The following BANK1 variants were observed in gnomAD, a reference collection of about 807,000 sequenced individuals.
BANK1 encodes the protein B cell scaffold protein with ankyrin repeats 1.
Under a neutral mutation model 94.5 loss-of-function variants are expected in BANK1, and 95 were observed. The observed-to-expected ratio is 1.00, with a 90% CI of 0.85 to 1.19. The LOEUF (loss-of-function observed/expected upper bound fraction) is 1.19. Among genes scored for constraint, BANK1 ranks in the 50% most tolerant of loss-of-function variants. BANK1 has a pLI of 0.00. For missense variants in BANK1, 987 were observed against 932.2 expected (o/e 1.06, Z -0.77); for synonymous variants, 334 against 308.4 (o/e 1.08, Z -0.87).
intron 6 of BANK1, among the ~76,000 whole-genome samples, chr4:101,917,754 T>G (rs1461656787): frequency 6.6e-6 from 1 of 151,858 alleles, no homozygotes; most frequent in Non-Finnish European, 1.5e-5. Flanking sequence ...TAAATTAAAC[T>G]TACCTCACAA....
intron 5 of BANK1, among the ~76,000 whole-genome samples, chr4:101,892,516 T>C (rs1196953611): frequency 6.7e-6 from 1 of 148,220 alleles, no homozygotes. Context: ...GATGCATGTA[T>C]GCATGTATAT....
At chr4:101,979,449 C>T (rs1431352389) in intron 7 of BANK1, among the ~76,000 whole-genome samples, 1 of 151,846 alleles carries the variant, frequency 6.6e-6, no homozygotes, top group Non-Finnish European at 1.5e-5. Flanking sequence ...GCAAATGACT[C>T]ACAATACTAT....
intron 11 of BANK1, among the ~76,000 whole-genome samples, chr4:102,054,136 A>C (rs1728146448): frequency 6.6e-6 from 1 of 151,812 alleles, no homozygotes; most frequent in Admixed American, 6.6e-5. Context: ...AAAACCTCAA[A>C]GATATCTTAT....
chr4:101,824,634 T>G (rs891298693), intron 1 of BANK1, among the ~76,000 whole-genome samples: 2 of 152,200 alleles, frequency 1.3e-5, no homozygotes, highest in African/African-American at 2.4e-5. Flanking sequence ...ATGTTCTTGT[T>G]GTTATTGCTG....
At chr4:101,811,847 G>C (rs967089205) in intron 1 of BANK1, among the ~76,000 whole-genome samples, 5 of 151,932 alleles carry the variant, frequency 3.3e-5, no homozygotes, top group African/African-American at 9.7e-5. Context: ...TGAGATATTA[G>C]AATAAACTAC....
chr4:101,945,774 G>A (rs1354861104), intron 7 of BANK1, among the ~76,000 whole-genome samples: 1 of 151,872 alleles, frequency 6.6e-6, no homozygotes, highest in Non-Finnish European at 1.5e-5. Flanking sequence ...ATGAAAATTC[G>A]AAAGCTGAGT....
intron 7 of BANK1, among the ~76,000 whole-genome samples, chr4:101,945,268 A>C (rs568769746): frequency 6.6e-6 from 1 of 151,974 alleles, no homozygotes; most frequent in Non-Finnish European, 1.5e-5. Context: ...TAGGAAGGCC[A>C]TATCTGTTAC....
intron 1 of BANK1, among the ~76,000 whole-genome samples, chr4:101,809,397 T>C (rs1335304306): frequency 1.3e-5 from 2 of 152,122 alleles, no homozygotes; most frequent in Admixed American, 6.6e-5. Context: ...AGGTACAGTG[T>C]ACACTGCTTA....
intron 7 of BANK1, among the ~76,000 whole-genome samples, chr4:101,970,271 T>C (rs1724910242): frequency 6.6e-6 from 1 of 152,142 alleles, no homozygotes; most frequent in Admixed American, 6.6e-5. Flanking sequence ...GATATTGTTA[T>C]AGTTAAGCAA....
chr4:102,012,345 A>G (rs1726537371), intron 7 of BANK1, among the ~76,000 whole-genome samples: 1 of 151,944 alleles, frequency 6.6e-6, no homozygotes, highest in Admixed American at 6.6e-5. Flanking sequence ...TGAATTTACA[A>G]TTCACATTTT....
At chr4:102,044,587 G>A (rs1404639873) in intron 11 of BANK1, among the ~76,000 whole-genome samples, 4 of 125,860 alleles carry the variant, frequency 3.2e-5, no homozygotes, top group South Asian at 3.0e-4. Context: ...TCCAGTTCTA[G>A]ATCCCTGAGG....
In BANK1 at chr4:101,852,512, A is replaced by T. The variant is rs1480723581; in HGVS notation, c.470-2523A>T. ...TATATATATATATATATACACACACACATATAGTCTATTCTCATTCATTCA... is the reference window on the plus strand; with the variant it reads ...TATATATATATATATATACACACACTCATATAGTCTATTCTCATTCATTCA... On this transcript the variant is annotated intron_variant, in intron 2 of 16. Transcript: ENST00000322953. Among the ~76,000 whole-genome samples the T allele has an allele frequency of 2.1e-5, 3 of 145,402 alleles. No individual in the cohort carries two copies. The East Asian group carries it at 5.9e-4, about 29-fold the overall frequency.
At chr4:101,959,367 T>C (rs13121488) in intron 7 of BANK1, among the ~76,000 whole-genome samples, 9,875 of 152,186 alleles carry the variant, frequency 0.065, 481 homozygotes, top group Non-Finnish European at 0.098. Flanking sequence ...CTCAAACTCC[T>C]GATCTTGTGA....
chr4:101,979,531 A>G (rs969381974), intron 7 of BANK1, among the ~76,000 whole-genome samples: 5 of 151,864 alleles, frequency 3.3e-5, no homozygotes, highest in Non-Finnish European at 7.4e-5. Flanking sequence ...AAAGACATAT[A>G]AACTGAGAGA....
chr4:101,997,308 G>T (rs985449977), intron 7 of BANK1, among the ~76,000 whole-genome samples: 3 of 152,142 alleles, frequency 2.0e-5, no homozygotes. Context: ...TAAGCTTTTT[G>T]ATGTACTGCT....
At chr4:101,978,065 G>A (rs921006567) in intron 7 of BANK1, among the ~76,000 whole-genome samples, 1 of 151,478 alleles carries the variant, frequency 6.6e-6, no homozygotes, top group African/African-American at 2.4e-5. Flanking sequence ...CCAGGTTCAA[G>A]CAATTCTCCT....
At chr4:101,796,746 G>T (rs1478769820) in intron 1 of BANK1, among the ~76,000 whole-genome samples, 2 of 152,060 alleles carry the variant, frequency 1.3e-5, no homozygotes, top group African/African-American at 4.8e-5. Flanking sequence ...TTGTTAACAG[G>T]ATATTTTTAC....
chr4:102,034,861 A>G (rs1422131924), intron 10 of BANK1, among the ~76,000 whole-genome samples: 1 of 152,328 alleles, frequency 6.6e-6, no homozygotes, highest in Non-Finnish European at 1.5e-5. Context: ...GCCTGAGTAC[A>G]TGGCACCACA....
At chr4:102,055,053 C>G (rs1172691864) in intron 11 of BANK1, among the ~76,000 whole-genome samples, 1 of 151,766 alleles carries the variant, frequency 6.6e-6, no homozygotes, top group Non-Finnish European at 1.5e-5. Flanking sequence ...CCCGAAAATA[C>G]CAAGGAAATA....
Sources: gnomAD v4.1 joint callset for allele counts (sites outside exome capture counted in the v4.1 genomes callset) on GRCh38, gnomAD v4.1.1 for gene constraint, MANE v1.5 for transcripts, NCBI Gene and HGNC (gene_info 2026-07-23, HGNC 2026-07-21) for gene names.